ETFRF1: variants seen among roughly 807,000 people sequenced by gnomAD.
ETFRF1 encodes the protein LYR motif containing 5.
Under a neutral mutation model 9.0 loss-of-function variants are expected in ETFRF1, and 12 were observed. The ratio of observed to expected loss-of-function variants is 1.34; its 90% CI spans 0.86 to 2.16. ETFRF1 has a LOEUF of 2.16. ETFRF1 is among the 30% of genes most tolerant of loss of function. The pLI is 0.00. For missense variants in ETFRF1, 98 were observed against 101.8 expected (o/e 0.96, Z 0.16); for synonymous variants, 34 against 33.2 (o/e 1.02, Z -0.08).
intron 1 of ETFRF1, among the ~76,000 whole-genome samples, chr12:25,199,619 TACACAC>T (rs56221882): frequency 0.064 from 9,260 of 143,628 alleles, 387 homozygotes; most frequent in Non-Finnish European, 0.095. Flanking sequence ...TATGTATACA[TACACAC>T]ACACACACAC....
intron 1 of ETFRF1, among the ~76,000 whole-genome samples, chr12:25,202,172 T>G (rs900895797): frequency 2.7e-5 from 4 of 150,244 alleles, no homozygotes; most frequent in Non-Finnish European, 5.9e-5. Context: ...AGGTGGAGGT[T>G]GCAGTGAGCT....
intron 1 of ETFRF1, among the ~76,000 whole-genome samples, chr12:25,202,699 TAGTG>T (rs1021037926): frequency 6.6e-6 from 1 of 151,966 alleles, no homozygotes; most frequent in Non-Finnish European, 1.5e-5. Context: ...TTTGATTACA[TAGTG>T]AGAGAAGGGG....
chr12:25,198,382 G>A (rs1439065215), intron 1 of ETFRF1, among the ~76,000 whole-genome samples: 2 of 152,032 alleles, frequency 1.3e-5, no homozygotes, highest in Admixed American at 6.6e-5. Flanking sequence ...CCCAGTAAAG[G>A]CCCACCCAGA....
In ETFRF1 at chr12:25,204,138, A is replaced by G; in HGVS notation, c.99A>G (p.Lys33=). The G allele has an allele frequency of 6.2e-7, 1 of 1,608,830 alleles. No individual in the cohort carries two copies. Among genetic ancestry groups the G allele is most frequent in the Non-Finnish European group, 8.5e-7 (1 of 1,177,064 alleles). Residue 33 remains lysine (K), a synonymous_variant, in exon 3 of 3, where the codon AAA becomes AAG. Transcript: ENST00000381356. ...ATCCAAAAGGAGCAGACTATTTTAA[A>G]AAGCGTTTGAAGAACATTTTCCTTA... ...RDYPKGADYF[K]KRLKNIFLKN...
At position 25,204,523 on chromosome 12, in the gene ETFRF1, A is replaced by G; in HGVS notation, c.*211A>G. 2.6e-6 allele frequency: 1 copy of G among 382,004 alleles called. No homozygotes were observed. Among genetic ancestry groups the G allele is most frequent in the Non-Finnish European group, 4.6e-6 (1 of 216,940 alleles). 23.7% of individuals were successfully genotyped at this position (382,004 alleles called of 1,614,324 possible). A position where few individuals can be genotyped will look rare whatever the true frequency, so the allele number is the denominator to read the frequency against. On this transcript the variant is annotated 3_prime_UTR_variant, in exon 3 of 3. Transcript: ENST00000381356. ...TTGATACAAACATAGCAATTTAGCT[A>G]TACTACCGATCATAAATTAATGAGC...
chr12:25,195,358 G>A (rs929629510), intron 1 of ETFRF1, 21 bp downstream of exon 1: 1 of 591,512 alleles, frequency 1.7e-6, no homozygotes, highest in Non-Finnish European at 3.0e-6. Context: ...GCCGCCGCCG[G>A]GGAGTTTTGT....
chr12:25,196,843 C>G (rs1346050903), intron 1 of ETFRF1, among the ~76,000 whole-genome samples: 1 of 152,174 alleles, frequency 6.6e-6, no homozygotes, highest in Admixed American at 6.5e-5. Flanking sequence ...CTAAATGCTT[C>G]AAGGTCAACT....
At chr12:25,201,059 C>T (rs1031551150) in intron 1 of ETFRF1, among the ~76,000 whole-genome samples, 5 of 152,212 alleles carry the variant, frequency 3.3e-5, no homozygotes, top group African/African-American at 1.2e-4. Context: ...TTCCTGCTCT[C>T]TTCTGTGCTG....
Position 25,205,021 on chromosome 12 carries a change from T to A in ETFRF1, c.*709T>A, listed in dbSNP as rs1293168580. On this transcript the variant is annotated 3_prime_UTR_variant, in exon 3 of 3. Coordinates refer to ENST00000381356, the MANE Select transcript of ETFRF1 (RefSeq NM_001001660.3). ...AAATAAATAATGTTATCCTATTTTT[T>A]TGTCATAAAGGCAGATTTGTTTTGC... 4.8e-6 allele frequency: 1 copy of A among 209,874 alleles called. No homozygotes were observed. Among genetic ancestry groups the A allele is most frequent in the Non-Finnish European group, 9.7e-6 (1 of 102,982 alleles). The allele number at this position is 209,874 out of a possible 1,614,324, so 13.0% of individuals were successfully genotyped here.
In ETFRF1 at chr12:25,204,185, CAG is replaced by C; in HGVS notation, c.150_151del (p.Lys51AspfsTer22). On this transcript the variant is annotated frameshift_variant, in exon 3 of 3. Transcript: ENST00000381356. ...CTTAAAAACAAAGATGTGAAGAATCCAGAGAAGATCAAAGAACTTATTGCACA... is the reference window on the plus strand; with the variant it reads ...CTTAAAAACAAAGATGTGAAGAATCCAGAAGATCAAAGAACTTATTGCACA... 2 of 1,613,192 alleles carry C rather than the reference CAG, an allele frequency of 1.2e-6. No homozygotes were observed. The highest frequency in any genetic ancestry group is 1.7e-6 in the Non-Finnish European group (2 of 1,179,592).
chr12:25,195,262 A>C lies in ETFRF1; in HGVS notation c.-113A>C. 6 of 660,570 alleles carry C rather than the reference A, an allele frequency of 9.1e-6. No individual in the cohort carries two copies. Among genetic ancestry groups the C allele is most frequent in the African/African-American group, 1.8e-5 (1 of 56,044 alleles). The allele number at this position is 660,570 out of a possible 1,614,324, so 40.9% of individuals were successfully genotyped here. A position where few individuals can be genotyped will look rare whatever the true frequency, so the allele number is the denominator to read the frequency against. The stretch of plus-strand genomic sequence containing the variant: ...ACTGACAGGTTGCCCACCTCCCCCA[A>C]CGCCACCCCGCTTCGCAGTAGACGG... On this transcript the variant is annotated 5_prime_UTR_variant, in exon 1 of 3. Coordinates refer to ENST00000381356, the MANE Select transcript of ETFRF1 (RefSeq NM_001001660.3).
In ETFRF1 at chr12:25,204,420, C is replaced by T. The variant is rs973455932; in HGVS notation, c.*108C>T. 7 of 855,242 alleles carry T rather than the reference C, an allele frequency of 8.2e-6. No individual in the cohort carries two copies. The African/African-American group carries it at 1.2e-4, about 15-fold the overall frequency. 53.0% of individuals were successfully genotyped at this position (855,242 alleles called of 1,614,324 possible). On this transcript the variant is annotated 3_prime_UTR_variant, in exon 3 of 3. Coordinates refer to ENST00000381356, the MANE Select transcript of ETFRF1 (RefSeq NM_001001660.3). ...AGATATACATGTTGTGTAAAAAATC[C>T]CTGAGCTGCCCTACTGAACTAAATA...
At chr12:25,198,169 G>A (rs1951045735) in intron 1 of ETFRF1, among the ~76,000 whole-genome samples, 1 of 152,118 alleles carries the variant, frequency 6.6e-6, no homozygotes, top group Non-Finnish European at 1.5e-5. Context: ...TTTATTTCTG[G>A]ACAAAGTAAT....
rs186791019 is a variant in ETFRF1, at chr12:25,198,962, G to A, written c.-38+3625G>A. 8.0e-4 allele frequency among the ~76,000 whole-genome samples: 122 copies of A among 152,168 alleles called. 2 individuals are homozygous for A. Among genetic ancestry groups the A allele is most frequent in the Non-Finnish European group, 2.4e-4 (16 of 67,996 alleles). Reference sequence around the variant, plus strand: ...AGGTAGAGTCACCTATCCTACCCACGAATTGGCAGCCTTGTGGTTTAGATG... The same window carrying A: ...AGGTAGAGTCACCTATCCTACCCACAAATTGGCAGCCTTGTGGTTTAGATG... On this transcript the variant is annotated intron_variant, in intron 1 of 2. Transcript: ENST00000381356.
chr12:25,201,260 G>C (rs1305765171), intron 1 of ETFRF1, among the ~76,000 whole-genome samples: 1 of 152,212 alleles, frequency 6.6e-6, no homozygotes, highest in Non-Finnish European at 1.5e-5. Context: ...GTTGTGAGGA[G>C]CCCAGTATTC....
At chr12:25,200,940 A>G (rs1222487722) in intron 1 of ETFRF1, among the ~76,000 whole-genome samples, 1 of 152,174 alleles carries the variant, frequency 6.6e-6, no homozygotes, top group East Asian at 1.9e-4. Flanking sequence ...TATCACTAAG[A>G]TCCCTGCTGC....
At chr12:25,195,586 AG>A in intron 1 of ETFRF1, 1 of 185,262 alleles carries the variant, frequency 5.4e-6, no homozygotes, top group Non-Finnish European at 1.1e-5. Context: ...TTAATCCAGC[AG>A]GGGGATGGGG....
chr12:25,197,841 T>G (rs1225540840), intron 1 of ETFRF1, among the ~76,000 whole-genome samples: 1 of 152,176 alleles, frequency 6.6e-6, no homozygotes, highest in Non-Finnish European at 1.5e-5. Flanking sequence ...AAAGGAAGTT[T>G]AAAGAATGAA....
At chr12:25,202,333 G>A (rs754880564) in intron 1 of ETFRF1, among the ~76,000 whole-genome samples, 2 of 152,090 alleles carry the variant, frequency 1.3e-5, no homozygotes, top group African/African-American at 4.8e-5. Flanking sequence ...AGGTGGGGGC[G>A]AGAGAAAGGC....
Sources: gnomAD v4.1 joint callset for allele counts (sites outside exome capture counted in the v4.1 genomes callset) on GRCh38, gnomAD v4.1.1 for gene constraint, MANE v1.5 for transcripts, NCBI Gene and HGNC (gene_info 2026-07-23, HGNC 2026-07-21) for gene names.